STAU1: variants seen among roughly 807,000 people sequenced by gnomAD.
STAU1 encodes the protein double-stranded RNA-binding protein Staufen homolog 1.
Under a neutral mutation model 62.9 loss-of-function variants are expected in STAU1, and 13 were observed. The observed-to-expected ratio is 0.21, with a 90% CI of 0.13 to 0.33. STAU1 has a LOEUF of 0.33. Ranked by LOEUF, STAU1 falls within the 10% of genes least tolerant of loss-of-function variation. STAU1 has a pLI of 1.00. For synonymous variants in STAU1, 269 were observed against 265.1 expected (o/e 1.01, Z -0.14); for missense variants, 571 against 712.1 (o/e 0.80, Z 2.25).
intron 5 of STAU1, among the ~76,000 whole-genome samples, chr20:49,138,842 T>C (rs1200722609): frequency 1.3e-5 from 2 of 152,174 alleles, no homozygotes; most frequent in Admixed American, 1.3e-4. Flanking sequence ...AAAAAGGGTC[T>C]ACTTTTTTAT....
chr20:49,133,124 G>A (rs948812739), intron 6 of STAU1, among the ~76,000 whole-genome samples: 1 of 152,194 alleles, frequency 6.6e-6, no homozygotes, highest in African/African-American at 2.4e-5. Context: ...ATTCTTTTAT[G>A]TGACTACTGT....
Position 49,115,814 on chromosome 20 carries a change from C to G in STAU1, c.1686G>C (p.Glu562Asp), listed in dbSNP as rs1379981086. ...LLSELDQQST[E>D]MPRTGNGPMS... The stretch of plus-strand genomic sequence containing the variant: ...TTGGTCCGTTTCCTGTTCTTGGCAT[C>G]TCTGTACTTTGTTGGTCCAACTCAG... Residue 562 changes from glutamate to aspartate, a missense_variant, in exon 13 of 14, where the codon GAG becomes GAC. Coordinates refer to ENST00000371856, the MANE Select transcript of STAU1 (RefSeq NM_017453.4). 1.2e-6 allele frequency: 2 copies of G among 1,614,136 alleles called. No individual in the cohort carries two copies. Among genetic ancestry groups the G allele is most frequent in the South Asian group, 2.2e-5 (2 of 91,086 alleles).
At chr20:49,115,093 AGGAAGAAAATGAG>A (rs2092282811) in intron 13 of STAU1, among the ~76,000 whole-genome samples, 200 bp from the exon 14 acceptor site, 1 of 152,130 alleles carries the variant, frequency 6.6e-6, no homozygotes, top group Non-Finnish European at 1.5e-5. Flanking sequence ...GTGGGGGGAA[AGGAAGAAAATGAG>A]GGAAGAAATA....
the STAU1 span, among the ~76,000 whole-genome samples, chr20:49,193,551 G>C: frequency 1.3e-5 from 2 of 152,082 alleles, no homozygotes; most frequent in South Asian, 4.1e-4. Context: ...CCCACCTGTA[G>C]TCCCAGCTAC....
chr20:49,135,082 C>A, intron 6 of STAU1: 2 of 1,082,248 alleles, frequency 1.8e-6, no homozygotes, highest in South Asian at 1.3e-5. Context: ...TGTACACAAT[C>A]TTTTGCCTTT....
chr20:49,125,205 A>AAAAAAC, intron 6 of STAU1, among the ~76,000 whole-genome samples: 1 of 140,754 alleles, frequency 7.1e-6, no homozygotes, highest in African/African-American at 2.7e-5. Context: ...TTGCAAAAAA[A>AAAAAAC]AAAAAAAAAA....
At chr20:49,135,688 C>T in intron 6 of STAU1, 145 bp downstream of exon 6, 1 of 669,616 alleles carries the variant, frequency 1.5e-6, no homozygotes. Flanking sequence ...AACACTGCTT[C>T]ACTAAATATA....
chr20:49,117,114 G>A lies in STAU1; in HGVS notation c.1632+12C>T. On this transcript the variant is annotated intron_variant, in intron 12 of 13. Coordinates refer to ENST00000371856, the MANE Select transcript of STAU1 (RefSeq NM_017453.4). This position sits in a 1 kb window ranked among gnomAD's most constrained non-coding sequence, Gnocchi z 4.6. ...CACAACACCCCAATCCCTCACCCAAGGTGTGACGTACCATATCATGGCAGG... is the reference window on the plus strand; with the variant it reads ...CACAACACCCCAATCCCTCACCCAAAGTGTGACGTACCATATCATGGCAGG... 1 of 1,613,846 alleles carries A rather than the reference G, an allele frequency of 6.2e-7. No individual in the cohort carries two copies.
At chr20:49,190,430 T>C (rs2146671730), upstream of STAU1, among the ~76,000 whole-genome samples, 1 of 152,270 alleles carries the variant, frequency 6.6e-6, no homozygotes. Flanking sequence ...ACCACAGGCA[T>C]GTGCCACCAC....
rs546457680 is a variant in STAU1 at position 49,179,311 on chromosome 20, T to G, written c.-159-5042A>C. On this transcript the variant is annotated intron_variant, in intron 1 of 13. Coordinates refer to ENST00000371856, the MANE Select transcript of STAU1 (RefSeq NM_017453.4). ...GAAAGTCCCTTATGCAAAAGAAAGC[T>G]TATTTCACTTTTATTCTTTTTTATG... is the stretch of plus-strand genomic sequence containing the variant. 4 of 152,230 alleles carry G rather than the reference T, an allele frequency of 2.6e-5. No homozygotes were observed. The East Asian group carries it at 7.7e-4, about 29-fold the overall frequency. 9.4% of individuals were successfully genotyped at this position (152,230 alleles called of 1,614,324 possible). A position where few individuals can be genotyped will look rare whatever the true frequency, so the allele number is the denominator to read the frequency against.
At chr20:49,186,629 T>C (rs2093790892) in intron 1 of STAU1, among the ~76,000 whole-genome samples, 1 of 152,032 alleles carries the variant, frequency 6.6e-6, no homozygotes, top group Non-Finnish European at 1.5e-5. Flanking sequence ...AGTACAGAAT[T>C]TTTAAAAACC....
At chr20:49,156,836 A>AAAC (rs747647724) in intron 3 of STAU1, among the ~76,000 whole-genome samples, 2 of 151,526 alleles carry the variant, frequency 1.3e-5, no homozygotes, top group African/African-American at 2.4e-5. Context: ...TGTTTTTTAT[A>AAAC]AACAACAACA....
In STAU1 at chr20:49,151,677, T is replaced by C. The variant is rs1746611288; in HGVS notation, c.415A>G (p.Asn139Asp). 1 of 1,612,526 alleles carries C rather than the reference T, an allele frequency of 6.2e-7. No individual in the cohort carries two copies. Among genetic ancestry groups the C allele is most frequent in the African/African-American group, 1.3e-5 (1 of 74,830 alleles). ...VELSVGGQQF[N>D]GKGKTRQAAK... ...GCCTGTCTTGTCTTTCCTTTGCCAT[T>C]AAATTGCTGTCCTCCCACAGAAAGT... is the stretch of plus-strand genomic sequence containing the variant. The change falls in exon 5 of 14, where the codon AAT becomes GAT. Residue 139 changes from asparagine (N) to aspartate (D), a missense_variant. Asn to Asp is a conservative substitution (Grantham distance 23). Coordinates refer to ENST00000371856, the MANE Select transcript of STAU1 (RefSeq NM_017453.4).
chr20:49,212,412 G>A, the STAU1 span, among the ~76,000 whole-genome samples: 1 of 152,128 alleles, frequency 6.6e-6, no homozygotes, highest in Non-Finnish European at 1.5e-5. Flanking sequence ...ACAATGTCAT[G>A]ATTGAATATA....
At chr20:49,142,497 T>C (rs1290545845) in intron 5 of STAU1, among the ~76,000 whole-genome samples, 1 of 152,138 alleles carries the variant, frequency 6.6e-6, no homozygotes, top group African/African-American at 2.4e-5. Flanking sequence ...ATGGGTCTAC[T>C]GCTCCGTTCT....
rs979934962 is a variant in STAU1 at position 49,123,355 on chromosome 20, C to T, written c.823-120G>A. Reference sequence around the variant, plus strand: ...TGGGTTGACCTAATGGCTCAGAATTCGATTTTTTTTAATTTAACATTTTAA... The same window carrying T: ...TGGGTTGACCTAATGGCTCAGAATTTGATTTTTTTTAATTTAACATTTTAA... On this transcript the variant is annotated intron_variant, in intron 7 of 13. Transcript: ENST00000371856. The T allele has an allele frequency of 8.4e-6, 10 of 1,194,006 alleles. No homozygotes were observed. In the East Asian group the frequency reaches 9.9e-5, roughly 12 times the overall value. 74.0% of individuals were successfully genotyped at this position (1,194,006 alleles called of 1,614,324 possible). A position where few individuals can be genotyped will look rare whatever the true frequency, so the allele number is the denominator to read the frequency against.
At chr20:49,166,393 CA>C (rs2093526779) in intron 2 of STAU1, 108 bp from the exon 3 acceptor site, 1 of 584,582 alleles carries the variant, frequency 1.7e-6, no homozygotes, top group Non-Finnish European at 3.0e-6. Flanking sequence ...AAAATAGCTC[CA>C]TTTAGCATGT....
rs2093631270 is a variant in STAU1 at position 49,174,223 on chromosome 20, C to T, written c.-113G>A. ...TTTTAAAAAGAGGGCGTTCCAGGAA[C>T]AATGTTGTCTTTGTTCAGTTCTGAG... On this transcript the variant is annotated 5_prime_UTR_variant, in exon 2 of 14. Transcript: ENST00000371856. The T allele has an allele frequency of 6.6e-6, 1 of 152,166 alleles. No individual in the cohort carries two copies. The highest frequency in any genetic ancestry group is 1.5e-5 in the Non-Finnish European group (1 of 68,034). 9.4% of individuals were successfully genotyped at this position (152,166 alleles called of 1,614,324 possible). A position where few individuals can be genotyped will look rare whatever the true frequency, so the allele number is the denominator to read the frequency against.
intron 1 of STAU1, among the ~76,000 whole-genome samples, chr20:49,182,569 T>C (rs1266125771): frequency 6.6e-6 from 1 of 152,228 alleles, no homozygotes; most frequent in Non-Finnish European, 1.5e-5. Context: ...CCGGGCACAG[T>C]GGCTCACGCC....
Sources: gnomAD v4.1 joint callset for allele counts (sites outside exome capture counted in the v4.1 genomes callset) on GRCh38, gnomAD v4.1.1 for gene constraint, Gnocchi (gnomAD v3.1) non-coding constraint, MANE v1.5 for transcripts, NCBI Gene and HGNC (gene_info 2026-07-23, HGNC 2026-07-21) for gene names.